The following GRM7 variants were observed in gnomAD, a reference collection of about 807,000 sequenced individuals.
GRM7 encodes glutamate metabotropic receptor 7.
GRM7 carries 35 observed loss-of-function variants against 84.5 expected under a neutral mutation model. The ratio of observed to expected loss-of-function variants is 0.41; its 90% CI spans 0.32 to 0.55. The LOEUF is 0.55. GRM7 is among the 20% of genes least tolerant of loss of function. The probability of loss-of-function intolerance (pLI) is 0.19; values close to 1 mark genes in which losing one functional copy is unlikely to be tolerated. For synonymous variants in GRM7, 487 were observed against 455.1 expected (o/e 1.07, Z -0.89); for missense variants, 1,003 against 1,194.6 (o/e 0.84, Z 2.36).
chr3:7,258,501 A>G (rs1413485738), intron 2 of GRM7, among the ~76,000 whole-genome samples: 1 of 152,210 alleles, frequency 6.6e-6, no homozygotes, highest in Non-Finnish European at 1.5e-5. Flanking sequence ...AGAGATACAC[A>G]TCCGTCTAAA....
At chr3:6,961,137 A>C (rs972074466) in intron 1 of GRM7, among the ~76,000 whole-genome samples, 1 of 152,162 alleles carries the variant, frequency 6.6e-6, no homozygotes, top group Admixed American at 6.5e-5. Context: ...TCAGCCACTC[A>C]TTCCTTTGGA....
chr3:7,222,566 C>A (rs991235402), intron 2 of GRM7, among the ~76,000 whole-genome samples: 3 of 152,150 alleles, frequency 2.0e-5, no homozygotes, highest in African/African-American at 7.2e-5. Context: ...AGGAACTCCG[C>A]CCTGCTGACA....
At chr3:6,940,537 A>T (rs1697854882) in intron 1 of GRM7, among the ~76,000 whole-genome samples, 1 of 152,198 alleles carries the variant, frequency 6.6e-6, no homozygotes, top group South Asian at 2.1e-4. Flanking sequence ...TTCAATAAGA[A>T]ACTTTTTATC....
chr3:7,083,434 A>T (rs924109312), intron 1 of GRM7, among the ~76,000 whole-genome samples: 16 of 152,146 alleles, frequency 1.1e-4, no homozygotes, highest in African/African-American at 3.6e-4. Flanking sequence ...CTGGGAAACC[A>T]AAAAAACCTC....
chr3:7,456,527 T>TTTGAATATCGTACAAATAG, intron 6 of GRM7, among the ~76,000 whole-genome samples: 1 of 151,492 alleles, frequency 6.6e-6, no homozygotes, highest in East Asian at 2.0e-4. Flanking sequence ...TACAGCTAGG[T>TTTGAATATCGTACAAATAG]AGCGATGATG....
chr3:7,147,204 C>G (rs570890964), intron 2 of GRM7, among the ~76,000 whole-genome samples: 4 of 152,280 alleles, frequency 2.6e-5, no homozygotes, highest in Admixed American at 1.3e-4. Context: ...TGAGAGAGTT[C>G]TCTTCAGCAG....
intron 5 of GRM7, among the ~76,000 whole-genome samples, chr3:7,433,435 T>C (rs2124853534): frequency 6.6e-6 from 1 of 152,326 alleles, no homozygotes; most frequent in Non-Finnish European, 1.5e-5. Flanking sequence ...TTGCAATGTG[T>C]TGTCTACTAG....
At chr3:6,911,455 T>G (rs1486850163) in intron 1 of GRM7, among the ~76,000 whole-genome samples, 1 of 152,122 alleles carries the variant, frequency 6.6e-6, no homozygotes, top group African/African-American at 2.4e-5. Context: ...TTGACAACTG[T>G]TATTAGTTTC....
chr3:7,305,527 G>C lies in GRM7; in HGVS notation c.879-971G>C, dbSNP rs377737223. Among the ~76,000 whole-genome samples the C allele has an allele frequency of 4.6e-4, 22 of 47,960 alleles. 3 individuals carry two copies. The highest frequency in any genetic ancestry group is 3.0e-3 in the East Asian group (5 of 1,678). The allele number at this position is 47,960 out of a possible 152,430, so 31.5% of individuals were successfully genotyped here. On this transcript the variant is annotated intron_variant, in intron 3 of 9. Transcript: ENST00000357716. ...CCGACCCCACCACAGTCCCCAGAGT[G>C]TGATATTCCCCTTCCTGTGTCCATG...
chr3:7,030,122 C>G (rs1487191854), intron 1 of GRM7, among the ~76,000 whole-genome samples: 1 of 151,994 alleles, frequency 6.6e-6, no homozygotes, highest in Admixed American at 6.6e-5. Context: ...AAAGAATGGA[C>G]TATCAAGGCA....
Position 7,031,644 on chromosome 3 carries a change from T to TC in GRM7, c.520-114807dup, listed in dbSNP as rs1696187887. Among the ~76,000 whole-genome samples, 12 of 152,214 alleles carry TC rather than the reference T, an allele frequency of 7.9e-5. No homozygotes were observed. The South Asian group carries it at 2.5e-3, about 32-fold the overall frequency. On this transcript the variant is annotated intron_variant, in intron 1 of 9. Coordinates refer to ENST00000357716, the MANE Select transcript of GRM7 (RefSeq NM_000844.4). ...ATGTTAGCCAGGGCCAAATACTTTT[T>TC]CATGATGTTACTCCAGATACATTTT...
chr3:6,866,373 A>G (rs1254876156), intron 1 of GRM7, among the ~76,000 whole-genome samples: 2 of 151,956 alleles, frequency 1.3e-5, no homozygotes, highest in East Asian at 3.9e-4. Context: ...GTAGTTTCTA[A>G]AAGTCTGTAA....
At chr3:7,420,348 T>C (rs953670127) in intron 5 of GRM7, among the ~76,000 whole-genome samples, 1 of 152,148 alleles carries the variant, frequency 6.6e-6, no homozygotes, top group African/African-American at 2.4e-5. Flanking sequence ...CAAAGATGTT[T>C]TATTGCAGCA....
chr3:6,996,593 T>A (rs888301294), intron 1 of GRM7, among the ~76,000 whole-genome samples: 23 of 152,162 alleles, frequency 1.5e-4, no homozygotes, highest in Admixed American at 6.6e-5. Flanking sequence ...CGTCACAACT[T>A]ATGGATATCT....
intron 4 of GRM7, among the ~76,000 whole-genome samples, chr3:7,350,690 T>C (rs944895985): frequency 6.6e-6 from 1 of 152,156 alleles, no homozygotes; most frequent in Non-Finnish European, 1.5e-5. Flanking sequence ...TCCATAACTA[T>C]ATATTACTTT....
At chr3:7,039,947 G>A (rs907879931) in intron 1 of GRM7, among the ~76,000 whole-genome samples, 4 of 152,032 alleles carry the variant, frequency 2.6e-5, no homozygotes, top group Admixed American at 6.6e-5. Context: ...GATTTTTGCC[G>A]AGTTCAGAAC....
intron 1 of GRM7, among the ~76,000 whole-genome samples, chr3:7,024,060 G>A (rs574343558): frequency 1.9e-4 from 29 of 152,126 alleles, no homozygotes; most frequent in Non-Finnish European, 3.8e-4. Context: ...AGGACAACTC[G>A]GTTCAAGTGG....
At chr3:7,304,842 C>A (rs1407952101) in intron 3 of GRM7, among the ~76,000 whole-genome samples, 2 of 152,112 alleles carry the variant, frequency 1.3e-5, no homozygotes, top group Non-Finnish European at 2.9e-5. Context: ...CTCTGCTCCA[C>A]CTCACACATT....
intron 2 of GRM7, among the ~76,000 whole-genome samples, chr3:7,197,810 T>C (rs1234022738): frequency 6.6e-6 from 1 of 152,040 alleles, no homozygotes; most frequent in African/African-American, 2.4e-5. Context: ...TAACAATTCA[T>C]AATTAAAAGT....
Sources: allele counts gnomAD v4.1 joint callset (sites outside exome capture counted in the v4.1 genomes callset), GRCh38; gene constraint gnomAD v4.1.1; transcripts MANE v1.5; gene names NCBI Gene and HGNC (gene_info 2026-07-23, HGNC 2026-07-21).